CFDP1: variants seen among roughly 807,000 people sequenced by gnomAD.
CFDP1 encodes the protein chromatin remodeling protein CFDP1, also known as heterochromatin-stabilizing protein CFDP1.
CFDP1 carries 31 observed loss-of-function variants against 40.1 expected under a neutral mutation model. The observed-to-expected ratio is 0.77, with a 90% CI of 0.58 to 1.04. The LOEUF (loss-of-function observed/expected upper bound fraction) is 1.04, where lower values mean the gene tolerates loss of function less well. Ranked by LOEUF, CFDP1 falls within the 50% of genes least tolerant of loss-of-function variation. The pLI, the probability that CFDP1 is intolerant of heterozygous loss-of-function variation, is 0.00. For missense variants in CFDP1, 423 were observed against 343.4 expected (o/e 1.23, Z -1.83); for synonymous variants, 167 against 120.0 (o/e 1.39, Z -2.56).
chr16:75,376,350 G>A lies in CFDP1; in HGVS notation c.650+18740C>T, dbSNP rs569259513. On this transcript the variant is annotated intron_variant, in intron 5 of 6. Transcript: ENST00000283882. ...AAAAAGATTTGGAAATAACCCATAC[G>A]TTTATCAGCAGGATAGATGGATAAA... is the stretch of plus-strand genomic sequence containing the variant. Among the ~76,000 whole-genome samples, 26 of 152,256 alleles carry A rather than the reference G, an allele frequency of 1.7e-4. 1 individual carries two copies. Among genetic ancestry groups the A allele is most frequent in the African/African-American group, 3.6e-4 (15 of 41,562 alleles).
intron 6 of CFDP1, among the ~76,000 whole-genome samples, chr16:75,302,129 G>T (rs1426839377): frequency 6.6e-6 from 1 of 152,202 alleles, no homozygotes; most frequent in Non-Finnish European, 1.5e-5. Flanking sequence ...CCCTAACCCA[G>T]TTATGTGACT....
intron 3 of CFDP1, 97 bp downstream of exon 3, chr16:75,412,438 T>A: frequency 1.1e-6 from 1 of 901,462 alleles, no homozygotes; most frequent in Non-Finnish European, 1.8e-6. Flanking sequence ...AGTACAATTG[T>A]TATCAAAAGG....
chr16:75,306,827 G>C (rs1180307644), intron 5 of CFDP1, among the ~76,000 whole-genome samples: 1 of 151,680 alleles, frequency 6.6e-6, no homozygotes, highest in Non-Finnish European at 1.5e-5. Context: ...TATCTTCTAA[G>C]CACTGTTTTC....
At chr16:75,427,739 G>C (rs931259715) in intron 1 of CFDP1, among the ~76,000 whole-genome samples, 4 of 152,238 alleles carry the variant, frequency 2.6e-5, no homozygotes, top group East Asian at 1.9e-4. Context: ...CCCACTCCTA[G>C]ATATTGACTC....
At chr16:75,398,532 G>A (rs1413265804) in intron 4 of CFDP1, among the ~76,000 whole-genome samples, 3 of 151,916 alleles carry the variant, frequency 2.0e-5, no homozygotes, top group Non-Finnish European at 4.4e-5. Flanking sequence ...GCTTCCACCT[G>A]GCATGCTTCC....
Position 75,300,804 on chromosome 16 carries a change from A to C in CFDP1, c.809+4220T>G, listed in dbSNP as rs539167290. Among the ~76,000 whole-genome samples the C allele has an allele frequency of 1.4e-3, 218 of 150,706 alleles. 1 individual carries two copies. Among genetic ancestry groups the C allele is most frequent in the African/African-American group, 5.0e-3 (206 of 41,004 alleles). ...GGGCAGGGGATACTTTTTTTTTTTG[A>C]GTCTTCAGTAGAGAATGGTAGCTGC... On this transcript the variant is annotated intron_variant, in intron 6 of 6. Transcript: ENST00000283882.
Position 75,303,898 on chromosome 16 carries a change from C to T in CFDP1, c.809+1126G>A, listed in dbSNP as rs534171609. 5.3e-5 allele frequency among the ~76,000 whole-genome samples: 8 copies of T among 152,172 alleles called. No individual in the cohort carries two copies. The South Asian group carries it at 6.2e-4, about 12-fold the overall frequency. On this transcript the variant is annotated intron_variant, in intron 6 of 6. Coordinates refer to ENST00000283882, the MANE Select transcript of CFDP1 (RefSeq NM_006324.3). ...GCTTACTGGTAAGAAGCAGAGCTGC[C>T]GAGCAGCCAGGGCTCTCTGGTGGGA...
chr16:75,407,000 G>A (rs536854898), intron 4 of CFDP1, among the ~76,000 whole-genome samples: 56 of 152,292 alleles, frequency 3.7e-4, no homozygotes, highest in African/African-American at 1.3e-3. Flanking sequence ...CAGCTTGGGT[G>A]ACAGAGACTC....
At chr16:75,420,691 C>T (rs1487364359) in intron 1 of CFDP1, among the ~76,000 whole-genome samples, 1 of 152,128 alleles carries the variant, frequency 6.6e-6, no homozygotes, top group Non-Finnish European at 1.5e-5. Flanking sequence ...GGGTAGAAAT[C>T]ATCCACTAAA....
intron 5 of CFDP1, among the ~76,000 whole-genome samples, chr16:75,321,295 A>C (rs1363686154): frequency 2.6e-5 from 4 of 152,080 alleles, no homozygotes; most frequent in Non-Finnish European, 5.9e-5. Context: ...AGCTTTACTG[A>C]GATGTAATCC....
intron 6 of CFDP1, among the ~76,000 whole-genome samples, chr16:75,303,501 T>C (rs1451522549): frequency 1.6e-5 from 1 of 63,968 alleles, no homozygotes; most frequent in African/African-American, 4.6e-5. Context: ...TTTAGAAATA[T>C]GACCCCCCCC....
chr16:75,312,540 G>A (rs2078299796), intron 5 of CFDP1, among the ~76,000 whole-genome samples: 1 of 151,954 alleles, frequency 6.6e-6, no homozygotes, highest in South Asian at 2.1e-4. Context: ...AATAATGAAG[G>A]GCACTTACAT....
In CFDP1 at chr16:75,295,777, A is replaced by T. The variant is rs78334506; in HGVS notation, c.810-1735T>A. 1.4e-3 allele frequency among the ~76,000 whole-genome samples: 216 copies of T among 152,346 alleles called. 6 individuals are homozygous for T. The East Asian group carries it at 0.039, about 27-fold the overall frequency. On this transcript the variant is annotated intron_variant, in intron 6 of 6. Coordinates refer to ENST00000283882, the MANE Select transcript of CFDP1 (RefSeq NM_006324.3). ...GGCTGCCTGGCTGAATTCGAACTTC[A>T]GAGTCCCTGGCAGTCAGGGAAGCTG...
chr16:75,308,802 T>G (rs2078274835), intron 5 of CFDP1, among the ~76,000 whole-genome samples: 1 of 152,196 alleles, frequency 6.6e-6, no homozygotes, highest in Admixed American at 6.5e-5. Flanking sequence ...TGAGGCCATC[T>G]TATTGACGAA....
intron 6 of CFDP1, among the ~76,000 whole-genome samples, chr16:75,296,325 C>T (rs891287976): frequency 1.3e-5 from 2 of 152,104 alleles, no homozygotes; most frequent in African/African-American, 4.8e-5. Flanking sequence ...GCAGCCTCGA[C>T]CTCTCAGGCT....
intron 5 of CFDP1, among the ~76,000 whole-genome samples, chr16:75,350,467 ATCTC>A (rs1472748288): frequency 2.0e-5 from 3 of 152,242 alleles, no homozygotes; most frequent in Non-Finnish European, 4.4e-5. Flanking sequence ...TTTGATTTGC[ATCTC>A]TCTAATGAAT....
chr16:75,369,369 CAAA>C (rs1343687872), intron 5 of CFDP1, among the ~76,000 whole-genome samples: 2 of 146,222 alleles, frequency 1.4e-5, no homozygotes, highest in African/African-American at 2.5e-5. Context: ...AGCAATATAG[CAAA>C]AGTTCGCTTC....
At chr16:75,360,897 A>T (rs1404056855) in intron 5 of CFDP1, among the ~76,000 whole-genome samples, 1 of 152,226 alleles carries the variant, frequency 6.6e-6, no homozygotes, top group African/African-American at 2.4e-5. Flanking sequence ...ATTCTTTTTT[A>T]AAAAGAAATA....
intron 5 of CFDP1, among the ~76,000 whole-genome samples, chr16:75,328,254 G>T (rs1415579328): frequency 6.6e-6 from 1 of 150,914 alleles, no homozygotes; most frequent in South Asian, 2.1e-4. Context: ...AAAGCACTGG[G>T]ATTATAGGCG....
Sources: allele counts gnomAD v4.1 joint callset (sites outside exome capture counted in the v4.1 genomes callset), GRCh38; gene constraint gnomAD v4.1.1; transcripts MANE v1.5; gene names NCBI Gene and HGNC (gene_info 2026-07-23, HGNC 2026-07-21).